The following SENP6 variants were observed in gnomAD, a reference collection of about 807,000 sequenced individuals.
SENP6 encodes the protein SUMO specific peptidase 6, also known as sentrin-specific protease 6.
SENP6 carries 41 observed loss-of-function variants against 134.5 expected under a neutral mutation model. The observed-to-expected ratio is 0.30, with a 90% CI of 0.24 to 0.40. The LOEUF (loss-of-function observed/expected upper bound fraction) is 0.40. SENP6 is among the 10% of genes least tolerant of loss of function. The probability of loss-of-function intolerance (pLI) is 1.00; values close to 1 mark genes in which losing one functional copy is unlikely to be tolerated. For missense variants in SENP6, 1,248 were observed against 1,312.5 expected (o/e 0.95, Z 0.76); for synonymous variants, 395 against 429.8 (o/e 0.92, Z 1.00).
intron 2 of SENP6, among the ~76,000 whole-genome samples, chr6:75,622,554 G>A (rs1440456402): frequency 5.3e-5 from 8 of 152,098 alleles, no homozygotes; most frequent in Non-Finnish European, 8.8e-5. Context: ...GTAAGACTCC[G>A]TCTCAACAAA....
chr6:75,705,054 A>G (rs1292352923), intron 19 of SENP6, among the ~76,000 whole-genome samples: 1 of 152,222 alleles, frequency 6.6e-6, no homozygotes, highest in African/African-American at 2.4e-5. Context: ...CCCTTTCTAC[A>G]TAGACACAGT....
At chr6:75,648,996 ATTAT>A (rs1770660214) in intron 7 of SENP6, among the ~76,000 whole-genome samples, 1 of 152,150 alleles carries the variant, frequency 6.6e-6, no homozygotes, top group South Asian at 2.1e-4. Context: ...TACAAAAGGT[ATTAT>A]TTTTATTTTA....
At chr6:75,659,457 A>G in intron 8 of SENP6, 50 bp downstream of exon 8, 1 of 1,482,070 alleles carries the variant, frequency 6.7e-7, no homozygotes, top group Non-Finnish European at 9.3e-7. Flanking sequence ...GTTTTGATTA[A>G]TATTAGTTTC....
chr6:75,644,922 T>C (rs1318930225), intron 6 of SENP6, among the ~76,000 whole-genome samples: 1 of 152,226 alleles, frequency 6.6e-6, no homozygotes, highest in Non-Finnish European at 1.5e-5. Context: ...TCGTAACTTT[T>C]CTGCAAATCT....
At chr6:75,608,381 T>A (rs1767183306) in intron 1 of SENP6, among the ~76,000 whole-genome samples, 1 of 151,852 alleles carries the variant, frequency 6.6e-6, no homozygotes, top group Non-Finnish European at 1.5e-5. Flanking sequence ...GGATTGCTTG[T>A]TGCTCGAGCC....
chr6:75,668,607 A>G (rs1772432519), intron 10 of SENP6, among the ~76,000 whole-genome samples: 1 of 152,220 alleles, frequency 6.6e-6, no homozygotes, highest in South Asian at 2.1e-4. Flanking sequence ...CAGTGTTTGG[A>G]GAAGTGGAAT....
At chr6:75,710,196 T>C (rs6923440) in intron 20 of SENP6, among the ~76,000 whole-genome samples, 31 of 152,204 alleles carry the variant, frequency 2.0e-4, no homozygotes, top group African/African-American at 7.0e-4. Context: ...TATTTTTTTT[T>C]CTCCTGCCTG....
chr6:75,606,976 A>G (rs1456793237), intron 1 of SENP6, among the ~76,000 whole-genome samples: 1 of 152,062 alleles, frequency 6.6e-6, no homozygotes, highest in Non-Finnish European at 1.5e-5. Flanking sequence ...TGTTTGGGGA[A>G]CTTAAGGGAG....
Position 75,697,489 on chromosome 6 carries a change from G to C in SENP6, c.2260G>C (p.Asp754His). ...CCGGCACGTAGATATTTTTGAGAAG[G>C]ATTTTATTTTTGTACCCCTTAATGA... ...WTRHVDIFEK[D>H]FIFVPLNEAA... The change falls in exon 18 of 24, where the codon GAT becomes CAT. Residue 754 changes from aspartate to histidine, a missense_variant. Physicochemically the swap from Asp to His is moderately conservative, Grantham distance 81 (BLOSUM62 -1). Around this residue, in one of 3 missense-constraint regions of SENP6, gnomAD observed 129 missense variants for 192.0 expected, o/e 0.67. Transcript: ENST00000447266. 1 of 1,613,316 alleles carries C rather than the reference G, an allele frequency of 6.2e-7. No individual in the cohort carries two copies. Among genetic ancestry groups the C allele is most frequent in the Non-Finnish European group, 8.5e-7 (1 of 1,179,506 alleles).
chr6:75,677,107 A>G lies in SENP6; in HGVS notation c.1699A>G (p.Ile567Val), dbSNP rs200144591. ...GGCAAATATGGTATTTGAAAGTATC[A>G]TTAATGAAATTGGTATAAAGAATAA... is the stretch of plus-strand genomic sequence containing the variant. ...PPANMVFESI[I>V]NEIGIKNNIS... Residue 567 changes from isoleucine to valine, a missense_variant, in exon 14 of 24, where the codon ATT becomes GTT. This residue lies in a region of SENP6 where 733 missense variants were observed against 725.4 expected (regional missense o/e 1.01). Transcript: ENST00000447266. The G allele has an allele frequency of 2.1e-5, 33 of 1,609,110 alleles. No homozygotes were observed. The East Asian group carries it at 6.5e-4, about 32-fold the overall frequency.
intron 7 of SENP6, among the ~76,000 whole-genome samples, chr6:75,652,743 C>T (rs1447615016): frequency 6.7e-6 from 1 of 148,200 alleles, no homozygotes; most frequent in Non-Finnish European, 1.5e-5. Flanking sequence ...ATGGTTAGCT[C>T]CCAACACAGT....
At chr6:75,689,294 C>A (rs1774069521) in intron 16 of SENP6, among the ~76,000 whole-genome samples, 2 of 152,030 alleles carry the variant, frequency 1.3e-5, no homozygotes, top group South Asian at 4.2e-4. Flanking sequence ...TTTAAGTGAT[C>A]CATACAAGTG....
chr6:75,605,627 T>C (rs1367917969), intron 1 of SENP6, among the ~76,000 whole-genome samples: 1 of 152,094 alleles, frequency 6.6e-6, no homozygotes, highest in Non-Finnish European at 1.5e-5. Flanking sequence ...CGTGTAAAGA[T>C]TGATTTGATA....
Position 75,713,850 on chromosome 6 carries a change from C to T in SENP6, c.3129+25C>T, listed in dbSNP as rs199697956. On this transcript the variant is annotated intron_variant, in intron 23 of 23. Coordinates refer to ENST00000447266, the MANE Select transcript of SENP6 (RefSeq NM_015571.4). ...GGTGGGTTTCAATTTGTTGGATCTGCTATAATAAATAATAAAATAGTGCAT... is the reference window on the plus strand; with the variant it reads ...GGTGGGTTTCAATTTGTTGGATCTGTTATAATAAATAATAAAATAGTGCAT... 5.2e-5 allele frequency: 78 copies of T among 1,496,950 alleles called. No homozygotes were observed. In the East Asian group the frequency reaches 1.7e-3, roughly 33 times the overall value. The allele number at this position is 1,496,950 out of a possible 1,614,324, so 92.7% of individuals were successfully genotyped here. A position where few individuals can be genotyped will look rare whatever the true frequency, so the allele number is the denominator to read the frequency against.
intron 2 of SENP6, chr6:75,622,972 A>G (rs1049646487): frequency 3.1e-5 from 9 of 287,668 alleles, no homozygotes; most frequent in Non-Finnish European, 4.9e-5. Flanking sequence ...TATAGTTTTG[A>G]AAAATTAGAA....
chr6:75,655,486 CA>C (rs1387806539), intron 7 of SENP6, among the ~76,000 whole-genome samples: 1 of 152,068 alleles, frequency 6.6e-6, no homozygotes, highest in East Asian at 1.9e-4. Flanking sequence ...CAAATGTAAC[CA>C]TTGTTCTGAT....
intron 11 of SENP6, among the ~76,000 whole-genome samples, chr6:75,673,567 A>G (rs1477619776): frequency 6.7e-6 from 1 of 149,524 alleles, no homozygotes; most frequent in Admixed American, 6.6e-5. Context: ...CAGGTGATCC[A>G]CCTGCCTTGG....
chr6:75,647,454 T>A (rs1770540681), intron 6 of SENP6: 1 of 240,392 alleles, frequency 4.2e-6, no homozygotes. Context: ...TACGTAACGT[T>A]TTTTGTTCTG....
intron 16 of SENP6, among the ~76,000 whole-genome samples, chr6:75,693,739 A>G (rs999333288): frequency 3.3e-5 from 5 of 152,204 alleles, no homozygotes; most frequent in African/African-American, 9.6e-5. Context: ...CTAGGGGGCC[A>G]GATGTTTTAA....
Sources: gnomAD v4.1 joint callset for allele counts (sites outside exome capture counted in the v4.1 genomes callset) on GRCh38, gnomAD v4.1.1 for gene constraint, gnomAD v4.1.1 regional missense constraint, MANE v1.5 for transcripts, NCBI Gene and HGNC (gene_info 2026-07-23, HGNC 2026-07-21) for gene names.